The following COL12A1 variants were observed in gnomAD, a reference collection of about 807,000 sequenced individuals.
COL12A1 encodes the protein collagen alpha-1(XII) chain.
COL12A1 carries 114 observed loss-of-function variants against 349.7 expected under a neutral mutation model. That is an observed-to-expected ratio of 0.33 (90% CI 0.28 to 0.38). The LOEUF (loss-of-function observed/expected upper bound fraction) is 0.38, where lower values mean the gene tolerates loss of function less well. COL12A1 is among the 10% of genes least tolerant of loss of function. The probability of loss-of-function intolerance (pLI) is 1.00; values close to 1 mark genes in which losing one functional copy is unlikely to be tolerated. For missense variants in COL12A1, 3,284 were observed against 3,756.9 expected, an observed-to-expected ratio of 0.87 and a Z score of 3.29; for synonymous variants, 1,369 against 1,329.0, an observed-to-expected ratio of 1.03 and a Z score of -0.66.
Position 75,085,198 on chromosome 6 carries a change from C to T in COL12A1, c.*1349G>A, listed in dbSNP as rs558062482. The T allele has an allele frequency of 2.1e-6, 1 of 467,146 alleles. No homozygotes were observed. The highest frequency in any genetic ancestry group is 4.4e-6 in the Non-Finnish European group (1 of 226,132). 28.9% of individuals were successfully genotyped at this position (467,146 alleles called of 1,614,324 possible). On this transcript the variant is annotated 3_prime_UTR_variant, in exon 66 of 66. Transcript: ENST00000322507. ...GGCGCGTGATCTCTGGTTCACTGCC[C>T]GGGTCCGTGGGGCAGGGCGCGCCGC...
intron 64 of COL12A1, among the ~76,000 whole-genome samples, chr6:75,087,990 A>C (rs953928765): frequency 2.0e-5 from 3 of 152,198 alleles, no homozygotes; most frequent in Non-Finnish European, 4.4e-5. Flanking sequence ...TTTAGCAAAA[A>C]TTCAGCCAAA....
Position 75,113,660 on chromosome 6 carries a change from A to G in COL12A1, c.7782T>C (p.Phe2594=), listed in dbSNP as rs1449042935. The G allele has an allele frequency of 1.2e-6, 2 of 1,607,474 alleles. No individual in the cohort carries two copies. Among genetic ancestry groups the G allele is most frequent in the African/African-American group, 2.7e-5 (2 of 74,750 alleles). The change falls in exon 50 of 66, where the codon TTT becomes TTC. Residue 2594 remains phenylalanine (F), a synonymous_variant. Transcript: ENST00000322507. The part of the protein sequence containing the change: ...RLLPETPSDP[F]AIWQITDRDY... ...CTCTGTCTGTGATTTGCCAAATTGC[A>G]AAAGGGTCACTGGGAGTTTCTGGGA...
intron 14 of COL12A1, among the ~76,000 whole-genome samples, chr6:75,161,292 T>C (rs1454639894): frequency 6.6e-6 from 1 of 152,236 alleles, no homozygotes; most frequent in Non-Finnish European, 1.5e-5. Flanking sequence ...TTGTTAACTT[T>C]AAATCATCTC....
rs547809078 is a variant in COL12A1, at chr6:75,120,809, C to A, written c.7086+493G>T. Among the ~76,000 whole-genome samples, 11 of 152,260 alleles carry A rather than the reference C, an allele frequency of 7.2e-5. No homozygotes were observed. The South Asian group carries it at 2.3e-3, about 32-fold the overall frequency. On this transcript the variant is annotated intron_variant, in intron 44 of 65. Transcript: ENST00000322507. The stretch of plus-strand genomic sequence containing the variant: ...CAGAGCAAGATAATTGGTAGTTATC[C>A]TTTTAAAAAAACAAATGAAATACGC...
At chr6:75,127,121 G>A (rs1197911985) in intron 38 of COL12A1, among the ~76,000 whole-genome samples, 1 of 151,842 alleles carries the variant, frequency 6.6e-6, no homozygotes, top group African/African-American at 2.4e-5. Flanking sequence ...ACATGACTTT[G>A]GCCCTTCCTG....
chr6:75,125,320 A>G, intron 39 of COL12A1, 47 bp from the exon 40 acceptor site: 5 of 1,516,374 alleles, frequency 3.3e-6, no homozygotes, highest in South Asian at 1.4e-5. Context: ...CATCAATAGC[A>G]TGAAATTTTG....
At chr6:75,191,599 T>G (rs904061490) in intron 5 of COL12A1, 102 bp downstream of exon 5, 2 of 641,554 alleles carry the variant, frequency 3.1e-6, no homozygotes, top group Admixed American at 3.1e-5. Context: ...TATAAATTAA[T>G]ATAGGAATAA....
chr6:75,192,120 A>G (rs1769962262), intron 4 of COL12A1, 92 bp downstream of exon 4: 1 of 1,052,326 alleles, frequency 9.5e-7, no homozygotes, highest in East Asian at 2.7e-5. Flanking sequence ...GCTGTAAATT[A>G]ACTTTGTATC....
chr6:75,134,635 C>T (rs1289013401), intron 32 of COL12A1, 91 bp downstream of exon 32: 1 of 1,201,600 alleles, frequency 8.3e-7, no homozygotes, highest in East Asian at 2.7e-5. Flanking sequence ...ATTAGTAAAA[C>T]TTTGTGTCAC....
At chr6:75,154,597 T>TC in intron 16 of COL12A1, 60 bp from the exon 17 acceptor site, 1 of 1,502,960 alleles carries the variant, frequency 6.7e-7, no homozygotes, top group South Asian at 1.4e-5. Context: ...GGTAGCACTT[T>TC]TTTTTTGCTT....
chr6:75,137,101 G>C (rs1261389120), intron 31 of COL12A1, among the ~76,000 whole-genome samples: 2 of 152,136 alleles, frequency 1.3e-5, no homozygotes, highest in Non-Finnish European at 2.9e-5. Context: ...AGAGAGGAAT[G>C]GAAGGTCAAC....
rs1334150715 is a variant in COL12A1 at position 75,183,536 on chromosome 6, T to C, written c.1405A>G (p.Ser469Gly). The C allele has an allele frequency of 1.2e-6, 2 of 1,614,160 alleles. No homozygotes were observed. The highest frequency in any genetic ancestry group is 8.5e-7 in the Non-Finnish European group (1 of 1,180,040). ...ACCCTATTTGGTGAAATTTCAAAACTTTTTACAAGAACTTCCAAAAAGGCT... is the reference window on the plus strand; with the variant it reads ...ACCCTATTTGGTGAAATTTCAAAACCTTTTACAAGAACTTCCAAAAAGGCT... ...VRAFLEVLVK[S>G]FEISPNRVQI... The change falls in exon 10 of 66, where the codon AGT becomes GGT. Residue 469 changes from serine to glycine, a missense_variant. This residue lies in a region of COL12A1 where 2,601 missense variants were observed against 2,824.8 expected (regional missense o/e 0.92). Coordinates refer to ENST00000322507, the MANE Select transcript of COL12A1 (RefSeq NM_004370.6).
intron 10 of COL12A1, among the ~76,000 whole-genome samples, chr6:75,182,115 A>G (rs1219448049): frequency 2.6e-5 from 4 of 151,966 alleles, no homozygotes; most frequent in Non-Finnish European, 5.9e-5. Flanking sequence ...AAAAAAAGAA[A>G]AAAAAACAGT....
intron 2 of COL12A1, among the ~76,000 whole-genome samples, 177 bp from the exon 3 acceptor site, chr6:75,195,124 CAG>C (rs1475637278): frequency 1.3e-5 from 2 of 152,068 alleles, no homozygotes; most frequent in African/African-American, 2.4e-5. Flanking sequence ...GACAAAACAT[CAG>C]AGAGTGTACA....
intron 14 of COL12A1, among the ~76,000 whole-genome samples, chr6:75,160,616 C>T (rs533338885): frequency 7.2e-5 from 11 of 152,174 alleles, no homozygotes; most frequent in Non-Finnish European, 1.5e-4. Flanking sequence ...ATACAGTCGC[C>T]CTTTGGTATC....
intron 10 of COL12A1, 98 bp downstream of exon 10, chr6:75,182,952 G>T (rs1287770743): frequency 1.4e-6 from 2 of 1,405,720 alleles, no homozygotes; most frequent in East Asian, 2.3e-5. Flanking sequence ...ACTTTTTCGT[G>T]TCTATAAGAA....
intron 23 of COL12A1, 72 bp downstream of exon 23, chr6:75,147,603 A>G (rs1767264463): frequency 7.3e-7 from 1 of 1,375,854 alleles, no homozygotes; most frequent in Non-Finnish European, 9.9e-7. Context: ...TTTGGAAGGT[A>G]GGCAAAAATG....
At chr6:75,201,733 G>T (rs925969185) in intron 2 of COL12A1, among the ~76,000 whole-genome samples, 97 of 152,250 alleles carry the variant, frequency 6.4e-4, no homozygotes, top group Non-Finnish European at 5.4e-4. Context: ...CACAGAAGCC[G>T]CCATGGGGTT....
chr6:75,160,301 T>C (rs1398815963), intron 14 of COL12A1, among the ~76,000 whole-genome samples: 1 of 152,168 alleles, frequency 6.6e-6, no homozygotes, highest in African/African-American at 2.4e-5. Flanking sequence ...CAATTCATGA[T>C]TTTCATTGTA....
Sources: allele counts gnomAD v4.1 joint callset (sites outside exome capture counted in the v4.1 genomes callset), GRCh38; gene constraint gnomAD v4.1.1; regional missense constraint gnomAD v4.1.1; transcripts MANE v1.5; gene names NCBI Gene and HGNC (gene_info 2026-07-23, HGNC 2026-07-21).